MB21D2: variants seen among roughly 807,000 people sequenced by gnomAD.
MB21D2 encodes nucleotidyltransferase MB21D2.
Under a neutral mutation model 33.3 loss-of-function variants are expected in MB21D2, and 9 were observed. The observed-to-expected ratio is 0.27, with a 90% CI of 0.16 to 0.47. MB21D2 has a LOEUF of 0.47. MB21D2 is among the 20% of genes least tolerant of loss of function. The pLI is 0.99. For missense variants in MB21D2, 540 were observed against 624.6 expected (o/e 0.86, Z 1.44); for synonymous variants, 241 against 236.3 (o/e 1.02, Z -0.18).
rs766352113 is a variant in MB21D2, at chr3:192,917,788, T to C, written c.53A>G (p.Asn18Ser). The change falls in exon 1 of 2, where the codon AAC becomes AGC. Residue 18 changes from asparagine (N) to serine (S), a missense_variant. Asn to Ser is a conservative substitution (Grantham distance 46). Coordinates refer to ENST00000392452, the MANE Select transcript of MB21D2 (RefSeq NM_178496.4). ...ANKAASLGCN[N>S]KPAFPELDFR... ...ATCCAGCTCCGGGAACGCAGGCTTG[T>C]TGTTACAGCCCAGGGAGGCTGCCTT... 9 of 1,613,374 alleles carry C rather than the reference T, an allele frequency of 5.6e-6. No homozygotes were observed. Among genetic ancestry groups the C allele is most frequent in the African/African-American group, 1.3e-5 (1 of 74,924 alleles).
intron 1 of MB21D2, among the ~76,000 whole-genome samples, chr3:192,828,870 C>T (rs1470185094): frequency 1.3e-5 from 2 of 150,966 alleles, no homozygotes; most frequent in East Asian, 3.9e-4. Flanking sequence ...AGGATGATCT[C>T]AATCTCCTGA....
At chr3:192,844,860 C>A (rs1712647924) in intron 1 of MB21D2, among the ~76,000 whole-genome samples, 1 of 152,224 alleles carries the variant, frequency 6.6e-6, no homozygotes, top group African/African-American at 2.4e-5. Flanking sequence ...AAGAGCCCCC[C>A]TTTGATGTGT....
intron 1 of MB21D2, among the ~76,000 whole-genome samples, chr3:192,843,922 C>T (rs1298943199): frequency 1.3e-5 from 2 of 152,148 alleles, no homozygotes; most frequent in Non-Finnish European, 1.5e-5. Context: ...ACGTATGCTC[C>T]GTTTGTATAT....
Position 192,910,004 on chromosome 3 carries a change from C to T in MB21D2, c.211+7626G>A, listed in dbSNP as rs1577204750. ...AGAGAAAAGAGCCTAAGAGCCTAAG[C>T]AAAGAAAGAAAGTGAGAAATTGGGG... On this transcript the variant is annotated intron_variant, in intron 1 of 1. Transcript: ENST00000392452. 2.2e-5 allele frequency among the ~76,000 whole-genome samples: 3 copies of T among 134,870 alleles called. No homozygotes were observed. The South Asian group carries it at 7.1e-4, about 32-fold the overall frequency. 88.5% of individuals were successfully genotyped at this position (134,870 alleles called of 152,430 possible).
In MB21D2 at chr3:192,917,806, G is replaced by A. The variant is rs757380115; in HGVS notation, c.35C>T (p.Ala12Val). Residue 12 changes from alanine to valine, a missense_variant, in exon 1 of 2, where the codon GCC becomes GTC. Coordinates refer to ENST00000392452, the MANE Select transcript of MB21D2 (RefSeq NM_178496.4). Reference protein sequence around the residue: ...KMAAPTANKAASLGCNNKPAF... With the variant: ...KMAAPTANKAVSLGCNNKPAF... ...AGGCTTGTTGTTACAGCCCAGGGAGGCTGCCTTGTTGGCGGTGGGAGCCGC... is the reference window on the plus strand; with the variant it reads ...AGGCTTGTTGTTACAGCCCAGGGAGACTGCCTTGTTGGCGGTGGGAGCCGC... 10 of 1,611,744 alleles carry A rather than the reference G, an allele frequency of 6.2e-6. No individual in the cohort carries two copies. In the Admixed American group the frequency reaches 6.7e-5, roughly 11 times the overall value.
intron 1 of MB21D2, among the ~76,000 whole-genome samples, chr3:192,832,516 G>A (rs934344259): frequency 6.6e-6 from 1 of 152,238 alleles, no homozygotes; most frequent in Non-Finnish European, 1.5e-5. Context: ...GTCTCGCCAG[G>A]TGCGGTGGGT....
At chr3:192,807,101 G>A (rs1464077442) in intron 1 of MB21D2, among the ~76,000 whole-genome samples, 2 of 152,058 alleles carry the variant, frequency 1.3e-5, no homozygotes, top group Non-Finnish European at 2.9e-5. Flanking sequence ...TACACATATC[G>A]ATATATTATC....
At chr3:192,807,525 GGTCCGGTTTC>G (rs1488140007) in intron 1 of MB21D2, among the ~76,000 whole-genome samples, 2 of 152,030 alleles carry the variant, frequency 1.3e-5, no homozygotes, top group Admixed American at 6.6e-5. Context: ...GACCCAGCTG[GGTCCGGTTTC>G]CATTCCTTTC....
At chr3:192,890,424 G>A (rs1713826009) in intron 1 of MB21D2, among the ~76,000 whole-genome samples, 2 of 152,018 alleles carry the variant, frequency 1.3e-5, no homozygotes, top group Admixed American at 1.3e-4. Context: ...CAAAGAGCTT[G>A]TACTTGTCCT....
At chr3:192,903,913 T>C (rs771538821) in intron 1 of MB21D2, among the ~76,000 whole-genome samples, 5 of 152,226 alleles carry the variant, frequency 3.3e-5, no homozygotes, top group African/African-American at 4.8e-5. Context: ...CTGGAAACTC[T>C]CTGAGGCTTC....
At chr3:192,836,029 T>C (rs1280779418) in intron 1 of MB21D2, among the ~76,000 whole-genome samples, 4 of 152,152 alleles carry the variant, frequency 2.6e-5, no homozygotes, top group African/African-American at 9.7e-5. Flanking sequence ...AATAGTGAGG[T>C]CAGAGAGTAT....
chr3:192,917,425 A>C (rs905403165), intron 1 of MB21D2, among the ~76,000 whole-genome samples: 1 of 152,202 alleles, frequency 6.6e-6, no homozygotes, highest in Non-Finnish European at 1.5e-5. Flanking sequence ...GACCCGGCGT[A>C]AAGTATAGTA....
chr3:192,815,152 T>G (rs1230412016), intron 1 of MB21D2, among the ~76,000 whole-genome samples: 1 of 152,166 alleles, frequency 6.6e-6, no homozygotes, highest in East Asian at 1.9e-4. Flanking sequence ...GAGAATGAAG[T>G]TTAAGTTATA....
At chr3:192,860,367 T>C (rs71314474) in intron 1 of MB21D2, among the ~76,000 whole-genome samples, 2 of 152,216 alleles carry the variant, frequency 1.3e-5, no homozygotes, top group Non-Finnish European at 2.9e-5. Context: ...TTTTATTTTG[T>C]TTATTTCTTT....
intron 1 of MB21D2, among the ~76,000 whole-genome samples, chr3:192,824,492 AAAATAAATAAATAAATAAATAAAT>A (rs61642372): frequency 6.8e-6 from 1 of 147,508 alleles, no homozygotes; most frequent in East Asian, 2.0e-4. Context: ...CTGATTTCTG[AAAATAAATAAATAAATAAATAAAT>A]AAATAAATAA....
chr3:192,899,141 CA>C (rs1714040210), intron 1 of MB21D2, among the ~76,000 whole-genome samples: 1 of 152,168 alleles, frequency 6.6e-6, no homozygotes, highest in Non-Finnish European at 1.5e-5. Context: ...AGCAGGCATA[CA>C]AGAAATACAT....
At chr3:192,805,443 A>G (rs1711641771) in intron 1 of MB21D2, among the ~76,000 whole-genome samples, 1 of 152,246 alleles carries the variant, frequency 6.6e-6, no homozygotes, top group African/African-American at 2.4e-5. Flanking sequence ...ATTTTGCATA[A>G]TTTGAGACAA....
At chr3:192,816,859 A>C (rs1208282697) in intron 1 of MB21D2, among the ~76,000 whole-genome samples, 1 of 138,534 alleles carries the variant, frequency 7.2e-6, no homozygotes, top group African/African-American at 2.6e-5. Context: ...ACTTTCTGAA[A>C]CTTCAGTTTC....
chr3:192,902,856 T>A (rs1247273537), intron 1 of MB21D2, among the ~76,000 whole-genome samples: 1 of 152,154 alleles, frequency 6.6e-6, no homozygotes, highest in Admixed American at 6.5e-5. Flanking sequence ...CCAGCCTTGA[T>A]TACAGATATT....
Sources: allele counts gnomAD v4.1 joint callset (sites outside exome capture counted in the v4.1 genomes callset), GRCh38; gene constraint gnomAD v4.1.1; transcripts MANE v1.5; gene names NCBI Gene and HGNC (gene_info 2026-07-23, HGNC 2026-07-21).